Variants in STAG1 observed in about 807,000 individuals in gnomAD.
STAG1 encodes the protein cohesin subunit SA-1.
Under a neutral mutation model 170.9 loss-of-function variants are expected in STAG1, and 26 were observed. The ratio of observed to expected loss-of-function variants is 0.15; its 90% CI spans 0.11 to 0.21. The LOEUF (loss-of-function observed/expected upper bound fraction) is 0.21. Ranked by LOEUF, STAG1 falls within the 10% of genes least tolerant of loss-of-function variation. The pLI is 1.00. For synonymous variants in STAG1, 514 were observed against 497.7 expected (o/e 1.03, Z -0.44); for missense variants, 964 against 1,509.5 (o/e 0.64, Z 5.99).
intron 3 of STAG1, among the ~76,000 whole-genome samples, chr3:136,612,179 G>A (rs892291424): frequency 3.3e-5 from 5 of 152,068 alleles, no homozygotes; most frequent in Non-Finnish European, 2.9e-5. Flanking sequence ...CTATATGTTC[G>A]GATTCAGAAA....
At chr3:136,498,245 T>TATACACACACACCC (rs1933247318) in intron 9 of STAG1, among the ~76,000 whole-genome samples, 1 of 68,258 alleles carries the variant, frequency 1.5e-5, no homozygotes, top group African/African-American at 8.5e-5. Context: ...CACATACATA[T>TATACACACACACCC]ACATACACAC....
At chr3:136,377,365 C>A in intron 23 of STAG1, among the ~76,000 whole-genome samples, 1 of 85,502 alleles carries the variant, frequency 1.2e-5, no homozygotes, top group Admixed American at 2.0e-4. Flanking sequence ...CCAGCCTGGG[C>A]GACAGAGCGA....
intron 1 of STAG1, among the ~76,000 whole-genome samples, chr3:136,645,536 A>C (rs1354623997): frequency 3.3e-5 from 5 of 152,178 alleles, no homozygotes; most frequent in Admixed American, 3.3e-4. Context: ...TGAAGTAATA[A>C]ATCTTTTCTT....
At chr3:136,534,527 T>C (rs561128818) in intron 6 of STAG1, among the ~76,000 whole-genome samples, 1 of 151,840 alleles carries the variant, frequency 6.6e-6, no homozygotes, top group South Asian at 2.1e-4. Context: ...AGAAGACTAA[T>C]ACTGAAAATA....
At chr3:136,706,372 T>TA (rs906923242) in intron 1 of STAG1, among the ~76,000 whole-genome samples, 22 of 152,084 alleles carry the variant, frequency 1.4e-4, no homozygotes, top group East Asian at 3.9e-4. Context: ...ACTAAACTGA[T>TA]AAAAAAATTG....
chr3:136,691,902 T>C (rs1174464796), intron 1 of STAG1, among the ~76,000 whole-genome samples: 3 of 152,050 alleles, frequency 2.0e-5, no homozygotes, highest in African/African-American at 4.8e-5. Flanking sequence ...TTGAGAGAAA[T>C]AGAAAGGACT....
At chr3:136,750,051 T>C (rs554605737) in intron 1 of STAG1, among the ~76,000 whole-genome samples, 5 of 152,180 alleles carry the variant, frequency 3.3e-5, no homozygotes, top group South Asian at 4.2e-4. Context: ...ATTATGAACA[T>C]ACACAGAGTC....
intron 6 of STAG1, among the ~76,000 whole-genome samples, chr3:136,541,120 G>A (rs1935881851): frequency 6.6e-6 from 1 of 151,976 alleles, no homozygotes; most frequent in Non-Finnish European, 1.5e-5. Flanking sequence ...CACACTGTTT[G>A]TCTTAACATA....
intron 3 of STAG1, among the ~76,000 whole-genome samples, chr3:136,622,820 G>T (rs1939924972): frequency 6.6e-6 from 1 of 152,096 alleles, no homozygotes; most frequent in African/African-American, 2.4e-5. Flanking sequence ...AACAGTACTT[G>T]GGAGCTCATA....
At chr3:136,360,536 T>C (rs1417598854) in intron 26 of STAG1, among the ~76,000 whole-genome samples, 1 of 152,234 alleles carries the variant, frequency 6.6e-6, no homozygotes, top group South Asian at 2.1e-4. Context: ...TTCACTGAAA[T>C]AGCTCCTGGG....
intron 13 of STAG1, among the ~76,000 whole-genome samples, chr3:136,458,361 T>C (rs1277418584): frequency 1.3e-5 from 2 of 152,224 alleles, no homozygotes; most frequent in African/African-American, 4.8e-5. Context: ...TTCATCATGT[T>C]GGCCAGGCTG....
At chr3:136,545,476 A>G (rs1262254504) in intron 5 of STAG1, among the ~76,000 whole-genome samples, 1 of 152,230 alleles carries the variant, frequency 6.6e-6, no homozygotes, top group African/African-American at 2.4e-5. Context: ...TCAGGATAGG[A>G]GAAGAAATGT....
At chr3:136,671,241 G>C (rs1297238943) in intron 1 of STAG1, among the ~76,000 whole-genome samples, 1 of 151,672 alleles carries the variant, frequency 6.6e-6, no homozygotes, top group South Asian at 2.1e-4. Flanking sequence ...CCAAGACTGC[G>C]CCACCATACT....
At chr3:136,713,804 C>G (rs1016216713) in intron 1 of STAG1, among the ~76,000 whole-genome samples, 5 of 152,036 alleles carry the variant, frequency 3.3e-5, no homozygotes, top group African/African-American at 1.2e-4. Context: ...GGGCAGATTA[C>G]CTGAGGTCAG....
intron 4 of STAG1, among the ~76,000 whole-genome samples, chr3:136,573,682 G>A (rs1326156928): frequency 6.6e-6 from 1 of 151,904 alleles, no homozygotes; most frequent in Non-Finnish European, 1.5e-5. Flanking sequence ...TGGATAAAAA[G>A]ACCCAACTGG....
intron 1 of STAG1, among the ~76,000 whole-genome samples, chr3:136,748,599 TCGGC>T (rs1935069567): frequency 6.6e-6 from 1 of 151,038 alleles, no homozygotes; most frequent in African/African-American, 2.4e-5. Flanking sequence ...TTTCACCATG[TCGGC>T]CACGGCCAAG....
At chr3:136,601,968 T>C (rs1297216874) in intron 4 of STAG1, among the ~76,000 whole-genome samples, 11 of 152,146 alleles carry the variant, frequency 7.2e-5, no homozygotes, top group Non-Finnish European at 1.3e-4. Flanking sequence ...ATTTCAAATA[T>C]AGATGATGAT....
chr3:136,521,365 C>T lies in STAG1; in HGVS notation c.524G>A (p.Arg175His), dbSNP rs1321480173. ...TMPGPQWKKF[R>H]SNFCEFIGVL... ...TCCAATAAATTCACAAAAGTTTGAACGAAATTTTTTCCACTGAGGTCCAGG... is the reference window on the plus strand; with the variant it reads ...TCCAATAAATTCACAAAAGTTTGAATGAAATTTTTTCCACTGAGGTCCAGG... The change falls in exon 7 of 34, where the codon CGT becomes CAT. Residue 175 changes from arginine to histidine, a missense_variant. Around this residue, in one of 11 missense-constraint regions of STAG1, gnomAD observed 40 missense variants for 44.1 expected, o/e 0.91. Coordinates refer to ENST00000383202, the MANE Select transcript of STAG1 (RefSeq NM_005862.3). 5 of 1,613,536 alleles carry T rather than the reference C, an allele frequency of 3.1e-6. No homozygotes were observed. The highest frequency in any genetic ancestry group is 3.4e-6 in the Non-Finnish European group (4 of 1,179,686).
chr3:136,465,777 T>G (rs1252896378), intron 12 of STAG1, among the ~76,000 whole-genome samples: 1 of 151,972 alleles, frequency 6.6e-6, no homozygotes, highest in African/African-American at 2.4e-5. Flanking sequence ...CAGAAAATAC[T>G]AAATACTATT....
Sources: allele counts gnomAD v4.1 joint callset (sites outside exome capture counted in the v4.1 genomes callset), GRCh38; gene constraint gnomAD v4.1.1; regional missense constraint gnomAD v4.1.1; transcripts MANE v1.5; gene names NCBI Gene and HGNC (gene_info 2026-07-23, HGNC 2026-07-21).